The following CAST variants were observed in gnomAD, a reference collection of about 807,000 sequenced individuals.
The protein encoded by CAST is MIR583 host.
A neutral mutation model predicts 119.6 loss-of-function variants in CAST; 76 were observed. That is an observed-to-expected ratio of 0.64 (90% confidence interval 0.53 to 0.77). CAST has a LOEUF of 0.77. Among genes scored for constraint, CAST ranks in the 30% least tolerant of loss-of-function variants. The pLI is 0.00. For missense variants in CAST, 953 were observed against 946.5 expected (o/e 1.01, Z -0.09); for synonymous variants, 319 against 331.6 (o/e 0.96, Z 0.41).
At chr5:96,579,592 T>G (rs192748865) in intron 1 of CAST, among the ~76,000 whole-genome samples, 1 of 152,272 alleles carries the variant, frequency 6.6e-6, no homozygotes, top group African/African-American at 2.4e-5. Flanking sequence ...GTTGCCTTCT[T>G]GTGGCAGCTA....
the CAST span, among the ~76,000 whole-genome samples, chr5:96,461,868 C>A: frequency 6.6e-6 from 1 of 152,104 alleles, no homozygotes; most frequent in Non-Finnish European, 1.5e-5. Context: ...TAAGTCCCAG[C>A]TTGAAGTAGA....
chr5:96,159,140 C>T, the CAST span, among the ~76,000 whole-genome samples: 1 of 152,140 alleles, frequency 6.6e-6, no homozygotes, highest in East Asian at 1.9e-4. Flanking sequence ...AGTATACTGT[C>T]CTTTTTAAAA....
At chr5:96,760,962 T>C (rs1767741773) in intron 24 of CAST, 1 of 152,040 alleles carries the variant, frequency 6.6e-6, no homozygotes, top group Admixed American at 6.6e-5. Context: ...TTAATCCAAC[T>C]AAACACTAGC....
intron 1 of CAST, chr5:96,663,209 T>C (rs944992045): frequency 1.9e-5 from 13 of 701,514 alleles, no homozygotes; most frequent in Non-Finnish European, 3.1e-5. Context: ...CGGAAGGGAG[T>C]GTGTTGGAAG....
In CAST at chr5:96,757,623, A is replaced by G. The variant is rs1437202648; in HGVS notation, c.1802A>G (p.Asp601Gly). ...EDFLLDALSE[D>G]FSGPQNASSL... ...TTCCTTCTGGATGCTTTGTCTGAGG[A>G]CTTCTCTGGTCCACAAAATGCTTCA... Residue 601 changes from aspartate (D) to glycine (G), a missense_variant, in exon 24 of 32, where the codon GAC (aspartate) becomes GGC (glycine). Coordinates refer to ENST00000675179, the MANE Select transcript of CAST (RefSeq NM_001750.7). The G allele has an allele frequency of 3.1e-6, 5 of 1,612,564 alleles. No individual in the cohort carries two copies. The highest frequency in any genetic ancestry group is 4.2e-6 in the Non-Finnish European group (5 of 1,179,596).
At chr5:96,407,684 G>C in the CAST span, among the ~76,000 whole-genome samples, 1 of 152,202 alleles carries the variant, frequency 6.6e-6, no homozygotes, top group African/African-American at 2.4e-5. Context: ...AAGGAAATTT[G>C]TGTTTATACA....
intron 4 of CAST, among the ~76,000 whole-genome samples, chr5:96,726,385 C>T (rs879584423): frequency 3.9e-5 from 6 of 152,070 alleles, no homozygotes; most frequent in Non-Finnish European, 5.9e-5. Flanking sequence ...CAGTAAAAAT[C>T]CATGCACTAA....
chr5:96,659,555 G>A (rs142278390), upstream of CAST, among the ~76,000 whole-genome samples: 7 of 152,266 alleles, frequency 4.6e-5, no homozygotes, highest in East Asian at 1.2e-3. Context: ...TTGAGACAGA[G>A]TCTCACTCTG....
chr5:96,732,764 C>T (rs575456034), intron 9 of CAST, among the ~76,000 whole-genome samples: 78 of 152,114 alleles, frequency 5.1e-4, no homozygotes, highest in African/African-American at 1.8e-3. Context: ...CCCTTCCTTA[C>T]ACCTTATACA....
intron 1 of CAST, among the ~76,000 whole-genome samples, chr5:96,668,397 A>C (rs186352225): frequency 6.6e-6 from 1 of 152,356 alleles, no homozygotes; most frequent in East Asian, 1.9e-4. Context: ...TTTGTACTTT[A>C]GGGAAAGTAA....
the CAST span, among the ~76,000 whole-genome samples, chr5:96,448,640 G>A: frequency 8.5e-4 from 129 of 152,114 alleles, no homozygotes; most frequent in African/African-American, 2.9e-3. Flanking sequence ...TGAAGCTCTT[G>A]GTGGGTTTAG....
chr5:96,240,279 C>T, the CAST span, among the ~76,000 whole-genome samples: 1 of 152,256 alleles, frequency 6.6e-6, no homozygotes, highest in Admixed American at 6.5e-5. Flanking sequence ...GGATTTCAAT[C>T]ATACTGTCAG....
At chr5:96,136,834 A>G in the CAST span, among the ~76,000 whole-genome samples, 1 of 152,146 alleles carries the variant, frequency 6.6e-6, no homozygotes, top group South Asian at 2.1e-4. Flanking sequence ...TTGTTAACCC[A>G]TACTCGCAGG....
chr5:96,090,724 C>A, the CAST span, among the ~76,000 whole-genome samples: 1 of 151,844 alleles, frequency 6.6e-6, no homozygotes, highest in Non-Finnish European at 1.5e-5. Flanking sequence ...TCTGAGGGAA[C>A]TTCTGTGGAA....
chr5:96,242,008 G>A, the CAST span, among the ~76,000 whole-genome samples: 37 of 143,336 alleles, frequency 2.6e-4, no homozygotes, highest in Admixed American at 4.2e-4. Context: ...CTCCCATTTT[G>A]TAGGTTGCCT....
the CAST span, among the ~76,000 whole-genome samples, chr5:96,385,040 C>T: frequency 6.6e-6 from 1 of 152,076 alleles, no homozygotes; most frequent in Non-Finnish European, 1.5e-5. Flanking sequence ...GCCAGGAAGG[C>T]CAAGAAATGG....
At chr5:96,677,737 G>C (rs31250) in intron 2 of CAST, among the ~76,000 whole-genome samples, 46,126 of 152,130 alleles carry the variant, frequency 0.3, 8,590 homozygotes, top group African/African-American at 0.52. Flanking sequence ...ACTTTGCTCT[G>C]TCCCCATGGC....
the CAST span, among the ~76,000 whole-genome samples, chr5:96,265,238 C>T: frequency 7.2e-5 from 11 of 151,788 alleles, no homozygotes; most frequent in African/African-American, 9.7e-5. Context: ...CAGTGTTCTC[C>T]GGAGAAACAG....
At chr5:96,293,187 G>C in the CAST span, among the ~76,000 whole-genome samples, 1 of 152,188 alleles carries the variant, frequency 6.6e-6, no homozygotes, top group Non-Finnish European at 1.5e-5. Context: ...AGGTTAGGGT[G>C]GAATGGCAGA....
Sources: gnomAD v4.1 joint callset for allele counts (sites outside exome capture counted in the v4.1 genomes callset) on GRCh38, gnomAD v4.1.1 for gene constraint, MANE v1.5 for transcripts, NCBI Gene and HGNC (gene_info 2026-07-23, HGNC 2026-07-21) for gene names.